CLASP1: variants seen among roughly 807,000 people sequenced by gnomAD.
CLASP1 encodes CLIP-associating protein 1.
A neutral mutation model predicts 192.3 loss-of-function variants in CLASP1; 38 were observed. The observed-to-expected ratio is 0.20, with a 90% CI of 0.15 to 0.26. CLASP1 has a LOEUF of 0.26. Among genes scored for constraint, CLASP1 ranks in the 10% least tolerant of loss-of-function variants. The pLI, the probability that CLASP1 is intolerant of heterozygous loss-of-function variation, is 1.00. For missense variants in CLASP1, 1,433 were observed against 1,932.5 expected, an observed-to-expected ratio of 0.74 and a Z score of 4.85; for synonymous variants, 691 against 712.8, an observed-to-expected ratio of 0.97 and a Z score of 0.49.
intron 2 of CLASP1, among the ~76,000 whole-genome samples, chr2:121,588,448 A>G (rs981423341): frequency 6.6e-6 from 1 of 152,214 alleles, no homozygotes; most frequent in Non-Finnish European, 1.5e-5. Context: ...TCCTCGATTT[A>G]AAGAGGTTGG....
intron 2 of CLASP1, among the ~76,000 whole-genome samples, chr2:121,587,529 A>G (rs888257221): frequency 6.6e-6 from 1 of 152,154 alleles, no homozygotes; most frequent in African/African-American, 2.4e-5. Flanking sequence ...TGTGATGAAT[A>G]AACAAGAAGC....
chr2:121,492,274 A>G (rs2093344161), intron 8 of CLASP1, among the ~76,000 whole-genome samples: 1 of 151,674 alleles, frequency 6.6e-6, no homozygotes, highest in Non-Finnish European at 1.5e-5. Flanking sequence ...CTGTAGTCCC[A>G]GCTACCCGGG....
chr2:121,391,328 A>G (rs1306058821), intron 30 of CLASP1, among the ~76,000 whole-genome samples: 2 of 152,128 alleles, frequency 1.3e-5, no homozygotes, highest in Non-Finnish European at 2.9e-5. Flanking sequence ...ATCCTCACCT[A>G]CTCGACTACG....
In CLASP1 at chr2:121,343,511, G is replaced by A. The variant is rs75405521; in HGVS notation, c.4531-2564C>T. 4.3e-4 allele frequency among the ~76,000 whole-genome samples: 65 copies of A among 152,304 alleles called. No homozygotes were observed. In the East Asian group the frequency reaches 0.012, roughly 28 times the overall value. On this transcript the variant is annotated intron_variant, in intron 39 of 39. Coordinates refer to ENST00000263710, the Ensembl canonical transcript of CLASP1. ...GAAAAGGAAGGAAATTCTGACAAAT[G>A]CTGCAACATGGATAAGCCCTGAGGA...
chr2:121,361,990 A>C (rs2066501923), intron 37 of CLASP1, among the ~76,000 whole-genome samples: 1 of 152,214 alleles, frequency 6.6e-6, no homozygotes, highest in Non-Finnish European at 1.5e-5. Flanking sequence ...TGGAGATTTG[A>C]AGAGGTCACA....
chr2:121,425,071 T>C, intron 22 of CLASP1, 68 bp downstream of exon 22: 1 of 1,425,982 alleles, frequency 7.0e-7, no homozygotes, highest in Non-Finnish European at 9.6e-7. Flanking sequence ...TTAGACATAG[T>C]CATTAGATTA....
chr2:121,440,985 A>C (rs2083237563), intron 19 of CLASP1, among the ~76,000 whole-genome samples: 1 of 152,204 alleles, frequency 6.6e-6, no homozygotes, highest in African/African-American at 2.4e-5. Flanking sequence ...TGGAATAAAG[A>C]AAGATCATTC....
At chr2:121,408,587 T>C (rs1194370551) in intron 24 of CLASP1, among the ~76,000 whole-genome samples, 1 of 152,228 alleles carries the variant, frequency 6.6e-6, no homozygotes, top group Non-Finnish European at 1.5e-5. Flanking sequence ...TGCTCAGGAC[T>C]GTTCTGCCTT....
At chr2:121,460,099 C>G (rs1471756819) in exon 12 of CLASP1, 1 of 1,612,210 alleles carries the variant, frequency 6.2e-7, no homozygotes, top group African/African-American at 1.3e-5. Flanking sequence ...CAGCACCAGC[C>G]AAAAGTAAAG....
chr2:121,590,131 A>G (rs2062212224), intron 2 of CLASP1, among the ~76,000 whole-genome samples: 1 of 152,192 alleles, frequency 6.6e-6, no homozygotes, highest in Non-Finnish European at 1.5e-5. Context: ...AGAAGCAAAC[A>G]GGTATCTTTG....
chr2:121,368,529 G>T (rs760802473), intron 34 of CLASP1, among the ~76,000 whole-genome samples: 9 of 152,036 alleles, frequency 5.9e-5, no homozygotes, highest in Non-Finnish European at 1.2e-4. Flanking sequence ...CCTTGACATG[G>T]TATCGACAAG....
chr2:121,581,027 A>G (rs1210026047), intron 2 of CLASP1, among the ~76,000 whole-genome samples: 1 of 152,068 alleles, frequency 6.6e-6, no homozygotes, highest in Non-Finnish European at 1.5e-5. Flanking sequence ...GTGCAATCAG[A>G]CCCCTCTGCT....
At chr2:121,642,827 A>G (rs2106346619) in intron 1 of CLASP1, among the ~76,000 whole-genome samples, 1 of 152,366 alleles carries the variant, frequency 6.6e-6, no homozygotes, top group East Asian at 1.9e-4. Flanking sequence ...TAATTATAAG[A>G]AAACCATCCA....
chr2:121,364,421 G>A (rs2066991577), intron 36 of CLASP1: 1 of 152,786 alleles, frequency 6.5e-6, no homozygotes, highest in African/African-American at 2.4e-5. Flanking sequence ...TAAGGGACCA[G>A]CTCCACAGGT....
intron 37 of CLASP1, among the ~76,000 whole-genome samples, chr2:121,359,024 T>C (rs898248574): frequency 1.3e-5 from 2 of 152,224 alleles, no homozygotes; most frequent in Admixed American, 6.5e-5. Context: ...CAAAAAACAG[T>C]TGGGCTTCTT....
intron 6 of CLASP1, among the ~76,000 whole-genome samples, chr2:121,519,153 G>A (rs191907158): frequency 8.5e-5 from 13 of 152,322 alleles, no homozygotes; most frequent in African/African-American, 2.2e-4. Flanking sequence ...GCCATTTAGG[G>A]AGCTGTGTAA....
intron 2 of CLASP1, among the ~76,000 whole-genome samples, chr2:121,594,178 T>C (rs1277905465): frequency 7.0e-6 from 1 of 143,104 alleles, no homozygotes; most frequent in Non-Finnish European, 1.5e-5. Flanking sequence ...CGGGCGCCTG[T>C]AGTCCCAGCT....
intron 13 of CLASP1, among the ~76,000 whole-genome samples, chr2:121,458,341 G>A (rs1338408692): frequency 1.3e-5 from 2 of 152,166 alleles, no homozygotes; most frequent in Non-Finnish European, 2.9e-5. Flanking sequence ...TTAAAAACCT[G>A]TGTATAAATT....
chr2:121,632,506 A>G (rs973496430), intron 1 of CLASP1, among the ~76,000 whole-genome samples: 6 of 152,198 alleles, frequency 3.9e-5, no homozygotes, highest in Non-Finnish European at 7.3e-5. Flanking sequence ...GCCATGCAAC[A>G]GCATACTATT....
Sources: allele counts gnomAD v4.1 joint callset (sites outside exome capture counted in the v4.1 genomes callset), GRCh38; gene constraint gnomAD v4.1.1; transcripts MANE v1.5; gene names NCBI Gene and HGNC (gene_info 2026-07-23, HGNC 2026-07-21).